DPYD: variants seen among roughly 807,000 people sequenced by gnomAD.
The protein encoded by DPYD is dihydropyrimidine dehydrogenase.
In DPYD, 109 loss-of-function variants were observed where a neutral mutation model predicts 116.2. The observed-to-expected ratio is 0.94, with a 90% CI of 0.80 to 1.10. The LOEUF (loss-of-function observed/expected upper bound fraction) is 1.10, where lower values mean the gene tolerates loss of function less well. DPYD is among the 50% of genes least tolerant of loss of function. The pLI, the probability that DPYD is intolerant of heterozygous loss-of-function variation, is 0.00. For synonymous variants in DPYD, 440 were observed against 432.0 expected, an observed-to-expected ratio of 1.02 and a Z score of -0.23; for missense variants, 1,302 against 1,254.5, an observed-to-expected ratio of 1.04 and a Z score of -0.57.
At chr1:97,538,440 G>T (rs184972837) in intron 12 of DPYD, among the ~76,000 whole-genome samples, 6 of 152,140 alleles carry the variant, frequency 3.9e-5, no homozygotes, top group Admixed American at 3.9e-4. Flanking sequence ...TGACCAAGAG[G>T]TTAAAGGCTC....
intron 3 of DPYD, among the ~76,000 whole-genome samples, chr1:97,810,353 T>TACAACAGA (rs916379052): frequency 2.7e-5 from 4 of 149,528 alleles, no homozygotes; most frequent in Non-Finnish European, 5.9e-5. Context: ...TCTCGCTTAA[T>TACAACAGA]ACAACAGATG....
intron 1 of DPYD, among the ~76,000 whole-genome samples, chr1:97,901,247 ACTT>A (rs1673353825): frequency 6.6e-6 from 1 of 151,838 alleles, no homozygotes; most frequent in African/African-American, 2.4e-5. Flanking sequence ...ACTACTCTGT[ACTT>A]CTTCTATGGG....
At position 97,359,685 on chromosome 1, in the gene DPYD, C is replaced by A. The variant is rs887269606; in HGVS notation, c.2058+13876G>T. Among the ~76,000 whole-genome samples the A allele has an allele frequency of 7.9e-5, 12 of 152,222 alleles. 1 individual carries two copies. The highest frequency in any genetic ancestry group is 2.9e-4 in the African/African-American group (12 of 41,534). Reference sequence around the variant, plus strand: ...TTCTTAAAGAAAAGAATTTTCAACCCAAATTTCATATCCAGCCAAACTAAG... The same window carrying A: ...TTCTTAAAGAAAAGAATTTTCAACCAAAATTTCATATCCAGCCAAACTAAG... On this transcript the variant is annotated intron_variant, in intron 16 of 22. Coordinates refer to ENST00000370192, the MANE Select transcript of DPYD (RefSeq NM_000110.4).
intron 14 of DPYD, among the ~76,000 whole-genome samples, chr1:97,419,659 A>C (rs1399894576): frequency 6.6e-6 from 1 of 152,150 alleles, no homozygotes; most frequent in Non-Finnish European, 1.5e-5. Context: ...TATCTTTATA[A>C]AAATATATTT....
chr1:97,729,691 AC>A (rs1265064487), intron 4 of DPYD, among the ~76,000 whole-genome samples: 10 of 151,950 alleles, frequency 6.6e-5, no homozygotes, highest in Non-Finnish European at 1.2e-4. Flanking sequence ...TTTATATAGA[AC>A]CTATATAAAT....
chr1:97,133,545 A>AT (rs1316342717), intron 20 of DPYD, among the ~76,000 whole-genome samples: 1 of 151,916 alleles, frequency 6.6e-6, no homozygotes. Flanking sequence ...ATCCTTTGAA[A>AT]TTTGTTTTGG....
chr1:97,290,411 C>T (rs892003023), intron 18 of DPYD, among the ~76,000 whole-genome samples: 23 of 152,138 alleles, frequency 1.5e-4, no homozygotes, highest in Non-Finnish European at 3.2e-4. Context: ...AAGCTGGAGG[C>T]ATCACGCTAC....
At position 97,578,390 on chromosome 1, in the gene DPYD, C is replaced by T. The variant is rs72732334; in HGVS notation, c.1129-4420G>A. Among the ~76,000 whole-genome samples the T allele has an allele frequency of 4.6e-3, 700 of 152,132 alleles. 10 individuals are homozygous for T. The highest frequency in any genetic ancestry group is 0.016 in the African/African-American group (654 of 41,496). ...GTGCTGTGGTGCAAAAAGCCAAAACCGCACTGGGCATCATCATGATTTTAC... is the reference window on the plus strand; with the variant it reads ...GTGCTGTGGTGCAAAAAGCCAAAACTGCACTGGGCATCATCATGATTTTAC... On this transcript the variant is annotated intron_variant, in intron 10 of 22. Coordinates refer to ENST00000370192, the MANE Select transcript of DPYD (RefSeq NM_000110.4).
Position 97,436,833 on chromosome 1 carries a change from TTGAC to T in DPYD, c.1905+13222_1905+13225del, listed in dbSNP as rs1013228427. Among the ~76,000 whole-genome samples, 6 of 151,990 alleles carry T rather than the reference TTGAC, an allele frequency of 3.9e-5. No homozygotes were observed. In the South Asian group the frequency reaches 1.2e-3, roughly 32 times the overall value. ...TGATCAAAATGCTAGAGGGTGTTAA[TTGAC>T]TGGTAACTTGAAGAGTTGGGTAGGG... is the stretch of plus-strand genomic sequence containing the variant. On this transcript the variant is annotated intron_variant, in intron 14 of 22. Transcript: ENST00000370192.
chr1:97,080,505 G>A (rs1169141048), intron 22 of DPYD, among the ~76,000 whole-genome samples: 1 of 151,966 alleles, frequency 6.6e-6, no homozygotes, highest in Non-Finnish European at 1.5e-5. Flanking sequence ...TTTTTAAAAA[G>A]TCTGATCTGT....
intron 11 of DPYD, among the ~76,000 whole-genome samples, chr1:97,562,792 C>T (rs1474261950): frequency 1.3e-5 from 2 of 152,118 alleles, no homozygotes; most frequent in South Asian, 2.1e-4. Context: ...GATCTTGGCT[C>T]GCTGCAACCT....
chr1:97,154,335 G>A (rs1432307144), intron 20 of DPYD, among the ~76,000 whole-genome samples: 1 of 152,134 alleles, frequency 6.6e-6, no homozygotes, highest in Non-Finnish European at 1.5e-5. Flanking sequence ...ATGAAATAAT[G>A]GCATTTGTAG....
chr1:97,621,367 T>G (rs1406987367), intron 8 of DPYD, among the ~76,000 whole-genome samples: 1 of 152,022 alleles, frequency 6.6e-6, no homozygotes, highest in Non-Finnish European at 1.5e-5. Flanking sequence ...AAGAAAAGGA[T>G]AGAGAGAGGC....
intron 2 of DPYD, among the ~76,000 whole-genome samples, chr1:97,867,288 A>G (rs1671431741): frequency 6.6e-6 from 1 of 151,760 alleles, no homozygotes; most frequent in African/African-American, 2.4e-5. Context: ...CTCATAACCA[A>G]CCGTTCAGTC....
At chr1:97,332,994 T>C (rs1249361220) in intron 16 of DPYD, among the ~76,000 whole-genome samples, 5 of 152,020 alleles carry the variant, frequency 3.3e-5, no homozygotes, top group Non-Finnish European at 1.5e-5. Context: ...ACTCTTTTTT[T>C]AACTTAGTAG....
At chr1:97,560,875 T>C (rs1319025970) in intron 11 of DPYD, among the ~76,000 whole-genome samples, 2 of 152,076 alleles carry the variant, frequency 1.3e-5, no homozygotes, top group Admixed American at 6.6e-5. Flanking sequence ...AGGATAAGAA[T>C]GAACCAGTCA....
intron 18 of DPYD, among the ~76,000 whole-genome samples, chr1:97,278,839 G>A (rs1057202885): frequency 6.6e-6 from 1 of 152,058 alleles, no homozygotes; most frequent in African/African-American, 2.4e-5. Context: ...TTTTAACTGT[G>A]TGTAGATATA....
At chr1:97,685,280 T>G (rs957870465) in intron 7 of DPYD, among the ~76,000 whole-genome samples, 7 of 152,168 alleles carry the variant, frequency 4.6e-5, no homozygotes, top group Non-Finnish European at 1.0e-4. Context: ...AGTCCTTTGA[T>G]AAAATTCAAT....
At chr1:97,672,460 T>C (rs1411746400) in intron 8 of DPYD, among the ~76,000 whole-genome samples, 3 of 152,242 alleles carry the variant, frequency 2.0e-5, no homozygotes, top group African/African-American at 4.8e-5. Context: ...ATTTTACAAT[T>C]ACACCGAAGT....
Sources: allele counts gnomAD v4.1 joint callset (sites outside exome capture counted in the v4.1 genomes callset), GRCh38; gene constraint gnomAD v4.1.1; transcripts MANE v1.5; gene names NCBI Gene and HGNC (gene_info 2026-07-23, HGNC 2026-07-21).